Variants in MGA observed in about 807,000 individuals in gnomAD.
MGA encodes the protein MAX gene-associated protein.
A neutral mutation model predicts 261.1 loss-of-function variants in MGA; 40 were observed. The ratio of observed to expected loss-of-function variants is 0.15; its 90% CI spans 0.12 to 0.20. MGA has a LOEUF of 0.20. Among genes scored for constraint, MGA ranks in the 10% least tolerant of loss-of-function variants. The pLI, the probability that MGA is intolerant of heterozygous loss-of-function variation, is 1.00. For missense variants in MGA, 3,397 were observed against 3,630.5 expected (o/e 0.94, Z 1.65); for synonymous variants, 1,302 against 1,290.6 (o/e 1.01, Z -0.19).
chr15:41,676,255 T>A (rs2058369767), intron 2 of MGA, among the ~76,000 whole-genome samples: 1 of 152,150 alleles, frequency 6.6e-6, no homozygotes, highest in African/African-American at 2.4e-5. Context: ...CAATCTTGGC[T>A]CACTGCAACC....
intron 9 of MGA, among the ~76,000 whole-genome samples, chr15:41,718,895 A>G (rs2060797150): frequency 6.6e-6 from 1 of 152,224 alleles, no homozygotes; most frequent in African/African-American, 2.4e-5. Flanking sequence ...AACGTTATGT[A>G]CAGGAGGTCC....
chr15:41,696,207 G>C lies in MGA; in HGVS notation c.1197G>C (p.Gly399=). 6.2e-7 allele frequency: 1 copy of C among 1,613,840 alleles called. No homozygotes were observed. The highest frequency in any genetic ancestry group is 8.5e-7 in the Non-Finnish European group (1 of 1,179,880). The stretch of plus-strand genomic sequence containing the variant: ...ACGAACTTGGTGAGTGCCCAGAAGG[G>C]GTCACTGTGAAACAGGAAGAGACAG... The change falls in exon 3 of 24, where the codon GGG becomes GGC. Residue 399 remains glycine (G), a synonymous_variant. Transcript: ENST00000219905.
intron 15 of MGA, among the ~76,000 whole-genome samples, chr15:41,746,823 CTTT>C (rs1251412312): frequency 1.3e-5 from 2 of 151,332 alleles, no homozygotes; most frequent in Non-Finnish European, 2.9e-5. Context: ...CAGTAGCAGA[CTTT>C]TTAAGTTTTA....
chr15:41,626,476 G>A (rs1325867578), intron 1 of MGA, among the ~76,000 whole-genome samples: 2 of 152,074 alleles, frequency 1.3e-5, no homozygotes, highest in Non-Finnish European at 2.9e-5. Flanking sequence ...AGGCTAGAGT[G>A]CAATGGTGCT....
intron 1 of MGA, among the ~76,000 whole-genome samples, chr15:41,636,934 G>T (rs1166972792): frequency 6.6e-6 from 1 of 152,062 alleles, no homozygotes; most frequent in Non-Finnish European, 1.5e-5. Context: ...CATAAATAAT[G>T]AGACAACTGT....
chr15:41,732,151 T>C (rs999516731), intron 11 of MGA, among the ~76,000 whole-genome samples: 6 of 138,190 alleles, frequency 4.3e-5, no homozygotes, highest in African/African-American at 5.3e-5. Context: ...TTTGTTATCC[T>C]TTTTTTTTTT....
chr15:41,750,425 A>T lies in MGA; in HGVS notation c.6818A>T (p.His2273Leu). ...AGAGGGAATGGACATTTTCAGGGTC[A>T]CTTACTGCTACCTGGAGAACAGATA... The change falls in exon 17 of 24, where the codon CAC becomes CTC. Residue 2273 changes from histidine (H) to leucine (L), a missense_variant. Physicochemically the swap from His to Leu is moderately conservative, Grantham distance 99. Coordinates refer to ENST00000219905, the MANE Select transcript of MGA (RefSeq NM_001164273.2). 8 of 1,613,604 alleles carry T rather than the reference A, an allele frequency of 5.0e-6. No homozygotes were observed. Among genetic ancestry groups the T allele is most frequent in the Non-Finnish European group, 6.8e-6 (8 of 1,179,514 alleles).
At position 41,736,160 on chromosome 15, in the gene MGA, TTTA is replaced by T. The variant is rs1253170226; in HGVS notation, c.3917-12_3917-10del. On this transcript the variant is annotated intron_variant, in intron 12 of 23. Transcript: ENST00000219905. The stretch of plus-strand genomic sequence containing the variant: ...GAAATAATCTTTCAACTTTTTCTTT[TTTA>T]TTATTATTTTACATCAGAAAAGAGC... The T allele has an allele frequency of 1.4e-6, 2 of 1,475,028 alleles. No homozygotes were observed. The highest frequency in any genetic ancestry group is 1.8e-6 in the Non-Finnish European group (2 of 1,112,918). The allele number at this position is 1,475,028 out of a possible 1,614,324, so 91.4% of individuals were successfully genotyped here. A position where few individuals can be genotyped will look rare whatever the true frequency, so the allele number is the denominator to read the frequency against.
chr15:41,727,620 C>T (rs956890308), intron 10 of MGA, among the ~76,000 whole-genome samples: 1 of 152,110 alleles, frequency 6.6e-6, no homozygotes, highest in Admixed American at 6.6e-5. Context: ...TAAAAAATAA[C>T]CATCTTCAAG....
At chr15:41,648,107 A>G (rs2056970444) in intron 1 of MGA, among the ~76,000 whole-genome samples, 1 of 152,226 alleles carries the variant, frequency 6.6e-6, no homozygotes, top group Non-Finnish European at 1.5e-5. Context: ...ATTTACTAAC[A>G]AATTCATTCT....
intron 10 of MGA, among the ~76,000 whole-genome samples, chr15:41,728,732 CTG>C (rs2061367713): frequency 6.6e-6 from 1 of 152,068 alleles, no homozygotes; most frequent in Non-Finnish European, 1.5e-5. Context: ...CAGTTCAAAC[CTG>C]TGTTATTCAG....
intron 19 of MGA, among the ~76,000 whole-genome samples, chr15:41,759,929 C>T (rs932827455): frequency 6.6e-6 from 1 of 151,850 alleles, no homozygotes; most frequent in Non-Finnish European, 1.5e-5. Flanking sequence ...TGATTTTTTA[C>T]CAGATTGAGG....
chr15:41,659,461 C>A (rs1259011717), upstream of MGA, among the ~76,000 whole-genome samples: 1 of 152,192 alleles, frequency 6.6e-6, no homozygotes, highest in African/African-American at 2.4e-5. Context: ...ATCTGCTCTC[C>A]TACTCCCTAC....
At chr15:41,644,285 G>C (rs1595562838) in intron 1 of MGA, among the ~76,000 whole-genome samples, 2 of 148,746 alleles carry the variant, frequency 1.3e-5, no homozygotes, top group South Asian at 2.1e-4. Flanking sequence ...GAGGTGGGAG[G>C]ATTGCTTGAG....
intron 15 of MGA, among the ~76,000 whole-genome samples, chr15:41,747,823 G>T (rs2062593231): frequency 6.6e-6 from 1 of 152,166 alleles, no homozygotes; most frequent in African/African-American, 2.4e-5. Flanking sequence ...CTTGACAGTT[G>T]ATACTCTATT....
intron 2 of MGA, among the ~76,000 whole-genome samples, chr15:41,692,208 G>C (rs1322868227): frequency 6.6e-6 from 1 of 152,158 alleles, no homozygotes; most frequent in African/African-American, 2.4e-5. Context: ...GCTGTGTCAA[G>C]GGAGGAGTGG....
chr15:41,623,403 T>C (rs562634167), intron 1 of MGA, among the ~76,000 whole-genome samples: 1 of 152,288 alleles, frequency 6.6e-6, no homozygotes, highest in Admixed American at 6.5e-5. Flanking sequence ...CAAAATTATA[T>C]TGGAACAATC....
At chr15:41,762,426 C>G (rs2063512563) in intron 22 of MGA, 64 bp downstream of exon 22, 2 of 1,024,602 alleles carry the variant, frequency 2.0e-6, no homozygotes, top group Non-Finnish European at 2.8e-6. Flanking sequence ...AGTGGACTGA[C>G]CACCTTCTCT....
chr15:41,653,577 C>T (rs1333247227), intron 1 of MGA, among the ~76,000 whole-genome samples: 4 of 151,374 alleles, frequency 2.6e-5, no homozygotes, highest in African/African-American at 4.9e-5. Context: ...GTTGTGGTGG[C>T]GTGGCCTATA....
Sources: allele counts gnomAD v4.1 joint callset (sites outside exome capture counted in the v4.1 genomes callset), GRCh38; gene constraint gnomAD v4.1.1; transcripts MANE v1.5; gene names NCBI Gene and HGNC (gene_info 2026-07-23, HGNC 2026-07-21).